Variants in MAGI2 observed in about 807,000 individuals in gnomAD.
MAGI2 encodes the protein membrane associated guanylate kinase, WW and PDZ domain containing 2.
Under a neutral mutation model 133.3 loss-of-function variants are expected in MAGI2, and 35 were observed. The observed-to-expected ratio is 0.26, with a 90% confidence interval of 0.20 to 0.35. The LOEUF is 0.35. MAGI2 is among the 10% of genes least tolerant of loss of function. MAGI2 has a pLI of 1.00. For synonymous variants in MAGI2, 729 were observed against 710.6 expected (o/e 1.03, Z -0.41); for missense variants, 1,636 against 1,863.4 (o/e 0.88, Z 2.25).
At chr7:79,421,892 T>C (rs1276880695) in intron 1 of MAGI2, among the ~76,000 whole-genome samples, 2 of 152,064 alleles carry the variant, frequency 1.3e-5, no homozygotes, top group Admixed American at 6.6e-5. Context: ...TTCTAGTCTC[T>C]ATACCAGGGT....
chr7:78,581,747 G>A (rs1247344519), intron 3 of MAGI2, among the ~76,000 whole-genome samples: 1 of 152,126 alleles, frequency 6.6e-6, no homozygotes, highest in East Asian at 1.9e-4. Flanking sequence ...CTTACATAAG[G>A]AAATGAAGAC....
intron 3 of MAGI2, chr7:78,614,767 G>T (rs1449131045): frequency 1.3e-5 from 2 of 152,088 alleles, no homozygotes; most frequent in Non-Finnish European, 2.9e-5. Context: ...TATACCAAGA[G>T]TTGCATTACA....
chr7:78,141,985 T>C (rs1464191035), intron 16 of MAGI2, among the ~76,000 whole-genome samples: 1 of 152,154 alleles, frequency 6.6e-6, no homozygotes, highest in Non-Finnish European at 1.5e-5. Context: ...TGAGAGTAAA[T>C]TAGTAACTGA....
intron 21 of MAGI2, among the ~76,000 whole-genome samples, chr7:78,057,172 C>A (rs913553284): frequency 6.6e-6 from 1 of 151,852 alleles, no homozygotes; most frequent in Non-Finnish European, 1.5e-5. Flanking sequence ...GCCACACTTG[C>A]AATCCCACAA....
intron 2 of MAGI2, among the ~76,000 whole-genome samples, chr7:78,679,173 C>T (rs73380249): frequency 0.011 from 1,660 of 152,176 alleles, 33 homozygotes; most frequent in African/African-American, 0.038. Flanking sequence ...CTTTGTGCAC[C>T]CTTTCCTTTC....
At chr7:78,834,135 A>C (rs1791419724) in intron 2 of MAGI2, among the ~76,000 whole-genome samples, 1 of 152,178 alleles carries the variant, frequency 6.6e-6, no homozygotes, top group African/African-American at 2.4e-5. Context: ...TTAAATTTAC[A>C]GTTCTCTGGA....
intron 2 of MAGI2, among the ~76,000 whole-genome samples, chr7:78,703,183 G>A (rs1214264768): frequency 6.6e-6 from 1 of 151,924 alleles, no homozygotes; most frequent in Non-Finnish European, 1.5e-5. Flanking sequence ...TACTGCCTAG[G>A]AAAATAGTAG....
At chr7:78,386,614 A>C (rs1583828658) in intron 6 of MAGI2, among the ~76,000 whole-genome samples, 3 of 152,284 alleles carry the variant, frequency 2.0e-5, no homozygotes, top group Admixed American at 2.0e-4. Context: ...GGCTTGTCTA[A>C]CATACATGCC....
At chr7:78,233,451 A>G (rs1213154350) in intron 10 of MAGI2, among the ~76,000 whole-genome samples, 2 of 152,126 alleles carry the variant, frequency 1.3e-5, no homozygotes, top group Admixed American at 6.6e-5. Context: ...CTGAAACCAG[A>G]CAGCAGTAGG....
At chr7:78,363,360 G>T (rs1409816837) in intron 7 of MAGI2, among the ~76,000 whole-genome samples, 1 of 152,156 alleles carries the variant, frequency 6.6e-6, no homozygotes, top group Non-Finnish European at 1.5e-5. Context: ...GGGCGCGGTG[G>T]CGGGTGCCTG....
rs144765336 is a variant in MAGI2 at position 79,348,856 on chromosome 7, A to G, written c.301+104164T>C. Among the ~76,000 whole-genome samples the G allele has an allele frequency of 2.6e-5, 4 of 152,060 alleles. No homozygotes were observed. In the East Asian group the frequency reaches 7.7e-4, roughly 29 times the overall value. On this transcript the variant is annotated intron_variant, in intron 1 of 21. Transcript: ENST00000354212. The stretch of plus-strand genomic sequence containing the variant: ...AACAACATAAAATATATGTGCATTA[A>G]TCACTGTGCTCTCTTCTCTTTTAGA...
At chr7:78,221,768 G>A (rs1237781980) in intron 10 of MAGI2, among the ~76,000 whole-genome samples, 1 of 151,674 alleles carries the variant, frequency 6.6e-6, no homozygotes, top group Admixed American at 6.6e-5. Flanking sequence ...TGAGGTGAAA[G>A]GATCGTTTAA....
At chr7:78,778,628 G>C (rs1226306638) in intron 2 of MAGI2, among the ~76,000 whole-genome samples, 1 of 152,084 alleles carries the variant, frequency 6.6e-6, no homozygotes, top group South Asian at 2.1e-4. Context: ...GGAAAATGAA[G>C]AGCATGGAAG....
chr7:78,867,478 G>A (rs1794657785), intron 2 of MAGI2, among the ~76,000 whole-genome samples: 1 of 150,648 alleles, frequency 6.6e-6, no homozygotes, highest in Admixed American at 6.7e-5. Context: ...ACTCATAGGT[G>A]GGAAATGAAC....
chr7:79,346,925 C>T (rs1841360651), intron 1 of MAGI2, among the ~76,000 whole-genome samples: 1 of 151,942 alleles, frequency 6.6e-6, no homozygotes, highest in African/African-American at 2.4e-5. Context: ...AGCTCTAATA[C>T]ACTATTATAG....
intron 21 of MAGI2, among the ~76,000 whole-genome samples, chr7:78,067,870 T>C (rs1471034602): frequency 3.9e-5 from 6 of 152,306 alleles, no homozygotes; most frequent in East Asian, 3.9e-4. Context: ...TCTGGACTTA[T>C]GGTAAAAAAT....
At chr7:79,212,047 A>G (rs1829543176) in intron 1 of MAGI2, among the ~76,000 whole-genome samples, 1 of 152,080 alleles carries the variant, frequency 6.6e-6, no homozygotes, top group East Asian at 1.9e-4. Context: ...CTTCTTCCAA[A>G]TAGTCATTGT....
At chr7:78,227,996 T>A (rs1031039061) in intron 10 of MAGI2, among the ~76,000 whole-genome samples, 3 of 152,154 alleles carry the variant, frequency 2.0e-5, no homozygotes, top group African/African-American at 7.2e-5. Context: ...GGCTACATGA[T>A]CTCTGTTGCA....
At chr7:78,934,912 T>A (rs1370057494) in intron 2 of MAGI2, among the ~76,000 whole-genome samples, 6 of 152,174 alleles carry the variant, frequency 3.9e-5, no homozygotes, top group Non-Finnish European at 5.9e-5. Flanking sequence ...CTAACCACTA[T>A]ATAAATTAGT....
Sources: allele counts gnomAD v4.1 joint callset (sites outside exome capture counted in the v4.1 genomes callset), GRCh38; gene constraint gnomAD v4.1.1; transcripts MANE v1.5; gene names NCBI Gene and HGNC (gene_info 2026-07-23, HGNC 2026-07-21).